Variants in FAT2 observed in about 807,000 individuals in gnomAD.
The protein encoded by FAT2 is FAT atypical cadherin 2.
A neutral mutation model predicts 295.3 loss-of-function variants in FAT2; 150 were observed. The observed-to-expected ratio is 0.51, with a 90% CI of 0.44 to 0.58. The LOEUF (loss-of-function observed/expected upper bound fraction) is 0.58, where lower values mean the gene tolerates loss of function less well. FAT2 is among the 20% of genes least tolerant of loss of function. The pLI, the probability that FAT2 is intolerant of heterozygous loss-of-function variation, is 0.00. For synonymous variants in FAT2, 2,026 were observed against 2,150.3 expected, an observed-to-expected ratio of 0.94 and a Z score of 1.60; for missense variants, 4,868 against 5,442.7, an observed-to-expected ratio of 0.89 and a Z score of 3.32.
intron 3 of FAT2, among the ~76,000 whole-genome samples, chr5:151,562,169 C>T (rs1243912327): frequency 2.0e-5 from 3 of 152,128 alleles, no homozygotes; most frequent in Non-Finnish European, 4.4e-5. Context: ...TCTCACCCAC[C>T]CCTCTGTCTG....
In FAT2 at chr5:151,566,880, G is replaced by A. The variant is rs779113991; in HGVS notation, c.2052C>T (p.Leu684=). 10 of 1,614,042 alleles carry A rather than the reference G, an allele frequency of 6.2e-6. No individual in the cohort carries two copies. The East Asian group carries it at 1.8e-4, about 29-fold the overall frequency. Residue 684 remains leucine (L), a synonymous_variant, in exon 2 of 24, where the codon CTC becomes CTT. Coordinates refer to ENST00000261800, the MANE Select transcript of FAT2 (RefSeq NM_001447.3). Reference sequence around the variant, plus strand: ...CCTGGTTCTGAAGCCCAATAAAGTGGAGGATAGTCTTTGTGAATTGTGTCA... The same window carrying A: ...CCTGGTTCTGAAGCCCAATAAAGTGAAGGATAGTCTTTGTGAATTGTGTCA... The part of the protein sequence containing the change: ...GVLTQFTKTI[L]HFIGLQNQES...
In FAT2 at chr5:151,529,203, G is replaced by C. The variant is rs561258669; in HGVS notation, c.10001C>G (p.Ala3334Gly). The C allele has an allele frequency of 6.2e-7, 1 of 1,614,072 alleles. No individual in the cohort carries two copies. The highest frequency in any genetic ancestry group is 8.5e-7 in the Non-Finnish European group (1 of 1,179,998). The change falls in exon 15 of 24, where the codon GCC (alanine) becomes GGC (glycine). Residue 3334 changes from alanine (A) to glycine (G), a missense_variant. By Grantham distance (60) the Ala-to-Gly change is moderately conservative (BLOSUM62 0). This residue lies in a region of FAT2 where 1,046 missense variants were observed against 1,210.1 expected (regional missense o/e 0.86). Coordinates refer to ENST00000261800, the MANE Select transcript of FAT2 (RefSeq NM_001447.3). ...DPYSTRVLEN[A>G]LVGDVILTVS... Reference sequence around the variant, plus strand: ...CGTGAGGATGACGTCACCCACAAGGGCATTCTCTAAGACCCTTGTGCTATA... The same window carrying C: ...CGTGAGGATGACGTCACCCACAAGGCCATTCTCTAAGACCCTTGTGCTATA...
At chr5:151,585,327 T>G (rs536265770) in intron 1 of FAT2, among the ~76,000 whole-genome samples, 35 of 152,326 alleles carry the variant, frequency 2.3e-4, no homozygotes, top group African/African-American at 8.4e-4. Context: ...TTATAAAAAT[T>G]TATCAGCTGT....
intron 8 of FAT2, 119 bp from the exon 9 acceptor site, chr5:151,549,624 C>G: frequency 1.4e-6 from 1 of 731,138 alleles, no homozygotes; most frequent in Non-Finnish European, 2.3e-6. Context: ...AACTAACTCC[C>G]CATATTCTTT....
rs768913328 is a variant in FAT2 at position 151,563,334 on chromosome 5, G to A, written c.3565C>T (p.Pro1189Ser). 1 of 1,613,938 alleles carries A rather than the reference G, an allele frequency of 6.2e-7. No homozygotes were observed. ...GNYMGFFMIH[P>S]VTGLLSTAQQ... ...CTTTTTGGATCCTTACCTGTAACAG[G>A]GTGAATCATAAAGAATCCCATGTAG... The change falls in exon 3 of 24, where the codon CCT becomes TCT. Residue 1189 changes from proline to serine, a missense_variant. Pro to Ser is a moderately conservative substitution (Grantham distance 74). Around this residue, in one of 5 missense-constraint regions of FAT2, gnomAD observed 3,297 missense variants for 3,669.4 expected, o/e 0.90. Coordinates refer to ENST00000261800, the MANE Select transcript of FAT2 (RefSeq NM_001447.3).
intron 4 of FAT2, among the ~76,000 whole-genome samples, chr5:151,555,998 A>C (rs1381181712): frequency 6.6e-6 from 1 of 152,110 alleles, no homozygotes; most frequent in East Asian, 1.9e-4. Context: ...TCTGCTACTG[A>C]CCTAGTGTTT....
intron 4 of FAT2, among the ~76,000 whole-genome samples, chr5:151,555,457 G>GT (rs200870963): frequency 0.012 from 1,752 of 142,984 alleles, 36 homozygotes; most frequent in African/African-American, 0.043. Context: ...TGCAACCTCC[G>GT]TCTCCCAGGT....
At chr5:151,541,402 G>C (rs1403603086) in intron 10 of FAT2, among the ~76,000 whole-genome samples, 1 of 152,228 alleles carries the variant, frequency 6.6e-6, no homozygotes, top group East Asian at 1.9e-4. Flanking sequence ...TTAGGAGTCT[G>C]ATATTTTAAG....
In FAT2 at chr5:151,543,466, G is replaced by C. The variant is rs776628591; in HGVS notation, c.7661C>G (p.Ala2554Gly). ...DRENSTERVI[A>G]IKVMARDGGG... ...TCCATCCCGAGCCATGACCTTAATA[G>C]CAATGACTCTCTCTGTTGAATTTTC... The change falls in exon 10 of 24, where the codon GCT becomes GGT. Residue 2554 changes from alanine (A) to glycine (G), a missense_variant. By Grantham distance (60) the Ala-to-Gly change is moderately conservative (BLOSUM62 0). Around this residue, in one of 5 missense-constraint regions of FAT2, gnomAD observed 3,297 missense variants for 3,669.4 expected, o/e 0.90. Coordinates refer to ENST00000261800, the MANE Select transcript of FAT2 (RefSeq NM_001447.3). The C allele has an allele frequency of 4.3e-6, 7 of 1,614,132 alleles. No individual in the cohort carries two copies. The highest frequency in any genetic ancestry group is 5.9e-6 in the Non-Finnish European group (7 of 1,180,026).
intron 12 of FAT2, among the ~76,000 whole-genome samples, chr5:151,535,099 A>G (rs983756469): frequency 2.6e-5 from 4 of 151,480 alleles, no homozygotes; most frequent in African/African-American, 9.7e-5. Flanking sequence ...ATCATCCTAT[A>G]TGTCTTTCAA....
intron 5 of FAT2, 35 bp from the exon 6 acceptor site, chr5:151,553,422 G>A (rs1757396008): frequency 6.3e-7 from 1 of 1,596,964 alleles, no homozygotes. Flanking sequence ...TGAGGTTTGG[G>A]GCCAAGAGAC....
intron 11 of FAT2, among the ~76,000 whole-genome samples, chr5:151,538,956 G>T (rs1305258786): frequency 6.6e-6 from 1 of 152,112 alleles, no homozygotes; most frequent in African/African-American, 2.4e-5. Context: ...AAAGTGCTTG[G>T]ATTACAGACG....
rs775755668 is a variant in FAT2, at chr5:151,567,614, C to T, written c.1318G>A (p.Ala440Thr). ...ATGTCAATGACCACCACGGTGGAGG[C>T]CTGGCCCGGTGAGGTTCTGATGTGT... ...QLHIRTSPGQ[A>T]STVVVIDIVD... The change falls in exon 2 of 24, where the codon GCC becomes ACC. Residue 440 changes from alanine to threonine, a missense_variant. This residue lies in a region of FAT2 where 3,297 missense variants were observed against 3,669.4 expected (regional missense o/e 0.90). Coordinates refer to ENST00000261800, the MANE Select transcript of FAT2 (RefSeq NM_001447.3). 6.2e-6 allele frequency: 10 copies of T among 1,613,974 alleles called. No homozygotes were observed. The East Asian group carries it at 2.0e-4, about 32-fold the overall frequency.
rs1244384273 is a variant in FAT2 at position 151,507,526 on chromosome 5, A to G, written c.12145T>C (p.Leu4049=). ...IQRGDWGQQE[L]LIITVAVAFI... ...GCCACGGCCACTGTGATGATCAGTA[A>G]CTCCTGCTGCCCCCAGTCCCCCCTT... The change falls in exon 23 of 24, where the codon TTA becomes CTA. Residue 4049 remains leucine, a synonymous_variant. Coordinates refer to ENST00000261800, the MANE Select transcript of FAT2 (RefSeq NM_001447.3). 1.9e-6 allele frequency: 3 copies of G among 1,613,442 alleles called. No homozygotes were observed. The highest frequency in any genetic ancestry group is 2.5e-6 in the Non-Finnish European group (3 of 1,179,856).
At chr5:151,532,311 C>T (rs1754721535) in intron 13 of FAT2, among the ~76,000 whole-genome samples, 1 of 152,154 alleles carries the variant, frequency 6.6e-6, no homozygotes, top group African/African-American at 2.4e-5. Flanking sequence ...TAGAACAGCT[C>T]TGTATCTTGA....
At chr5:151,553,103 G>A (rs1401863644) in intron 6 of FAT2, 74 bp downstream of exon 6, 19 of 1,463,300 alleles carry the variant, frequency 1.3e-5, no homozygotes, top group Non-Finnish European at 1.7e-5. Context: ...CAGAAGGACT[G>A]TAGCAGGAAA....
At chr5:151,591,752 A>G (rs1046233983), upstream of FAT2, among the ~76,000 whole-genome samples, 5 of 152,140 alleles carry the variant, frequency 3.3e-5, no homozygotes, top group African/African-American at 9.7e-5. Flanking sequence ...ACTGCCACCT[A>G]CTAGTTCAGT....
chr5:151,523,019 G>C (rs978005443), intron 18 of FAT2, among the ~76,000 whole-genome samples: 2 of 152,136 alleles, frequency 1.3e-5, no homozygotes, highest in African/African-American at 4.8e-5. Flanking sequence ...ACTTAGAAAG[G>C]ACAGGCTTGC....
chr5:151,520,568 G>T (rs756040506), intron 19 of FAT2, among the ~76,000 whole-genome samples: 7 of 152,156 alleles, frequency 4.6e-5, no homozygotes, highest in Admixed American at 1.3e-4. Flanking sequence ...CGTTGATCTG[G>T]GGCTTATTGT....
Sources: allele counts gnomAD v4.1 joint callset (sites outside exome capture counted in the v4.1 genomes callset), GRCh38; gene constraint gnomAD v4.1.1; regional missense constraint gnomAD v4.1.1; transcripts MANE v1.5; gene names NCBI Gene and HGNC (gene_info 2026-07-23, HGNC 2026-07-21).